Variants in ATP8B4 observed in about 807,000 individuals in gnomAD.
The protein encoded by ATP8B4 is ATPase phospholipid transporting 8B4 (putative).
In ATP8B4, 133 loss-of-function variants were observed where a neutral mutation model predicts 145.6. The ratio of observed to expected loss-of-function variants is 0.91; its 90% CI spans 0.79 to 1.05. The LOEUF is 1.05. Among genes scored for constraint, ATP8B4 ranks in the 50% least tolerant of loss-of-function variants. ATP8B4 has a pLI of 0.00. For missense variants in ATP8B4, 1,458 were observed against 1,425.2 expected (o/e 1.02, Z -0.37); for synonymous variants, 507 against 492.9 (o/e 1.03, Z -0.38).
intron 17 of ATP8B4, among the ~76,000 whole-genome samples, chr15:49,922,003 G>A (rs563208437): frequency 1.3e-5 from 2 of 152,148 alleles, no homozygotes; most frequent in Non-Finnish European, 2.9e-5. Context: ...GCACAACAGT[G>A]AATGAACAAT....
chr15:50,084,380 A>G lies in ATP8B4; in HGVS notation c.29-10195T>C, dbSNP rs371696904. On this transcript the variant is annotated intron_variant, in intron 2 of 27. Coordinates refer to ENST00000284509, the MANE Select transcript of ATP8B4 (RefSeq NM_024837.4). ...GGGGCCAGGATTTGAGGCAGAAAAGAAAGGTGGTAAATGCTCAGAATCGGC... is the reference window on the plus strand; with the variant it reads ...GGGGCCAGGATTTGAGGCAGAAAAGGAAGGTGGTAAATGCTCAGAATCGGC... 1.8e-4 allele frequency among the ~76,000 whole-genome samples: 28 copies of G among 152,276 alleles called. No homozygotes were observed. The East Asian group carries it at 5.4e-3, about 29-fold the overall frequency.
intron 2 of ATP8B4, among the ~76,000 whole-genome samples, chr15:50,085,712 CAATAT>C (rs901898215): frequency 6.7e-6 from 1 of 150,288 alleles, no homozygotes; most frequent in Non-Finnish European, 1.5e-5. Context: ...CTAGTCAAAA[CAATAT>C]ATCTCCCATC....
intron 1 of ATP8B4, among the ~76,000 whole-genome samples, chr15:50,148,325 G>A (rs1476373068): frequency 6.6e-6 from 1 of 152,108 alleles, no homozygotes; most frequent in African/African-American, 2.4e-5. Context: ...AATGCAATCT[G>A]TAATCTAGAT....
intron 7 of ATP8B4, among the ~76,000 whole-genome samples, chr15:50,007,254 G>A (rs1400915200): frequency 6.6e-6 from 1 of 152,160 alleles, no homozygotes; most frequent in Non-Finnish European, 1.5e-5. Flanking sequence ...TAGAAGTTAT[G>A]CATCTGCACT....
At chr15:50,101,715 C>A (rs1392198688) in intron 2 of ATP8B4, among the ~76,000 whole-genome samples, 1 of 152,046 alleles carries the variant, frequency 6.6e-6, no homozygotes, top group Non-Finnish European at 1.5e-5. Context: ...AAACGATGAA[C>A]TTAAACTATA....
chr15:49,925,893 T>C (rs1041366402), intron 16 of ATP8B4, among the ~76,000 whole-genome samples: 1 of 152,186 alleles, frequency 6.6e-6, no homozygotes, highest in Non-Finnish European at 1.5e-5. Context: ...TTAGTATTTC[T>C]TAAATAAACT....
intron 20 of ATP8B4, among the ~76,000 whole-genome samples, chr15:49,914,895 A>G (rs1433763463): frequency 2.6e-5 from 4 of 152,174 alleles, no homozygotes; most frequent in African/African-American, 7.2e-5. Context: ...AGAAAACACT[A>G]TGGAGATTTC....
chr15:50,054,285 A>AG (rs1236580574), intron 3 of ATP8B4, among the ~76,000 whole-genome samples: 8 of 152,194 alleles, frequency 5.3e-5, no homozygotes, highest in Non-Finnish European at 1.2e-4. Context: ...ATATTACCAG[A>AG]GGAAAAAGAA....
chr15:50,070,554 G>A (rs377419985), intron 3 of ATP8B4, among the ~76,000 whole-genome samples: 3 of 152,126 alleles, frequency 2.0e-5, no homozygotes, highest in Non-Finnish European at 4.4e-5. Context: ...GTAGTTGGGG[G>A]TCCCATGCTC....
Position 49,894,592 on chromosome 15 carries a change from CATATTA to C in ATP8B4, c.2697+2694_2697+2699del, listed in dbSNP as rs1420993979. Among the ~76,000 whole-genome samples, 4 of 152,154 alleles carry C rather than the reference CATATTA, an allele frequency of 2.6e-5. No homozygotes were observed. In the South Asian group the frequency reaches 6.2e-4, roughly 24 times the overall value. On this transcript the variant is annotated intron_variant, in intron 23 of 27. Coordinates refer to ENST00000284509, the MANE Select transcript of ATP8B4 (RefSeq NM_024837.4). ...CCTGTAGCCCAATTAACTATTGTAT[CATATTA>C]ATATTAACACAACTGAGAAAAACAG... is the stretch of plus-strand genomic sequence containing the variant.
At chr15:50,037,227 A>T (rs548435440) in intron 6 of ATP8B4, among the ~76,000 whole-genome samples, 4 of 152,354 alleles carry the variant, frequency 2.6e-5, no homozygotes, top group African/African-American at 9.6e-5. Flanking sequence ...ACTTTATATG[A>T]GATGAGACTT....
intron 14 of ATP8B4, among the ~76,000 whole-genome samples, chr15:49,940,219 A>G (rs962496682): frequency 8.4e-4 from 128 of 152,358 alleles, no homozygotes; most frequent in African/African-American, 2.8e-3. Flanking sequence ...ACAGCCATAA[A>G]AAAGAATGAA....
Position 49,897,247 on chromosome 15 carries a change from AAAAC to A in ATP8B4, c.2697+41_2697+44del, listed in dbSNP as rs554622551. The A allele has an allele frequency of 1.4e-4, 213 of 1,510,660 alleles. No homozygotes were observed. The Middle Eastern group carries it at 3.7e-3, about 26-fold the overall frequency. The allele number at this position is 1,510,660 out of a possible 1,614,324, so 93.6% of individuals were successfully genotyped here. A position where few individuals can be genotyped will look rare whatever the true frequency, so the allele number is the denominator to read the frequency against. On this transcript the variant is annotated intron_variant, in intron 23 of 27. Transcript: ENST00000284509. ...GAAGAGTCATTTGTAATATCATACA[AAAAC>A]AAACAAACAAACAAACAAAAAAAAA...
intron 9 of ATP8B4, among the ~76,000 whole-genome samples, chr15:49,992,780 G>A (rs908084622): frequency 1.3e-5 from 2 of 152,110 alleles, no homozygotes; most frequent in African/African-American, 4.8e-5. Flanking sequence ...ACCCAGATTT[G>A]CCCAGAAGTC....
intron 5 of ATP8B4, among the ~76,000 whole-genome samples, chr15:50,040,974 T>C (rs1268355408): frequency 6.6e-6 from 1 of 152,210 alleles, no homozygotes; most frequent in Non-Finnish European, 1.5e-5. Context: ...TCATTGGCCA[T>C]GTTATACAGA....
intron 1 of ATP8B4, among the ~76,000 whole-genome samples, chr15:50,133,412 C>T: frequency 6.7e-6 from 1 of 148,724 alleles, no homozygotes; most frequent in South Asian, 2.1e-4. Flanking sequence ...AACTTCATCT[C>T]TACAAAAAAA....
intron 14 of ATP8B4, among the ~76,000 whole-genome samples, chr15:49,946,602 CTT>C (rs147632337): frequency 2.0e-5 from 3 of 146,604 alleles, no homozygotes; most frequent in Non-Finnish European, 3.0e-5. Context: ...CTAATTAATC[CTT>C]TTTTTTTTTT....
intron 2 of ATP8B4, among the ~76,000 whole-genome samples, chr15:50,094,393 G>A (rs1354277351): frequency 6.6e-6 from 1 of 151,932 alleles, no homozygotes; most frequent in East Asian, 1.9e-4. Flanking sequence ...TGGGTCTCCT[G>A]GGTCTCCAGT....
intron 14 of ATP8B4, among the ~76,000 whole-genome samples, chr15:49,940,137 G>A (rs371644214): frequency 2.6e-5 from 4 of 152,118 alleles, no homozygotes; most frequent in South Asian, 2.1e-4. Context: ...CAAAGACATG[G>A]AATCAACCCA....
Sources: gnomAD v4.1 joint callset for allele counts (sites outside exome capture counted in the v4.1 genomes callset) on GRCh38, gnomAD v4.1.1 for gene constraint, MANE v1.5 for transcripts, NCBI Gene and HGNC (gene_info 2026-07-23, HGNC 2026-07-21) for gene names.